Variants in ERCC1 observed in about 807,000 individuals in gnomAD.
The protein encoded by ERCC1 is DNA excision repair protein ERCC-1.
In ERCC1, 36 loss-of-function variants were observed where a neutral mutation model predicts 37.6. That is an observed-to-expected ratio of 0.96 (90% CI 0.73 to 1.26). The LOEUF (loss-of-function observed/expected upper bound fraction) is 1.26. Ranked by LOEUF, ERCC1 falls within the 50% of genes most tolerant of loss-of-function variation. The pLI, the probability that ERCC1 is intolerant of heterozygous loss-of-function variation, is 0.00. For missense variants in ERCC1, 349 were observed against 376.5 expected, an observed-to-expected ratio of 0.93 and a Z score of 0.60; for synonymous variants, 156 against 162.1, an observed-to-expected ratio of 0.96 and a Z score of 0.28.
chr19:45,422,764 T>A (rs190241267), intron 2 of ERCC1, among the ~76,000 whole-genome samples: 3,523 of 151,546 alleles, frequency 0.023, 58 homozygotes, highest in Middle Eastern at 0.089. Flanking sequence ...CTCAAAAAAA[T>A]AAATAAATAA....
At chr19:45,432,802 C>T (rs978706481) in intron 1 of ERCC1, among the ~76,000 whole-genome samples, 7 of 152,208 alleles carry the variant, frequency 4.6e-5, no homozygotes, top group African/African-American at 1.7e-4. Flanking sequence ...TGGAGTGGCT[C>T]ACGCCTGTAT....
chr19:45,428,502 C>T (rs1312433675), upstream of ERCC1, among the ~76,000 whole-genome samples: 3 of 152,248 alleles, frequency 2.0e-5, no homozygotes, highest in African/African-American at 7.2e-5. Flanking sequence ...CCGATTCCGC[C>T]TCTTTCTTCC....
chr19:45,422,264 A>T (rs552861718), intron 2 of ERCC1, among the ~76,000 whole-genome samples: 1 of 151,928 alleles, frequency 6.6e-6, no homozygotes, highest in Non-Finnish European at 1.5e-5. Flanking sequence ...TGCCTCAGAA[A>T]CTACACCTTC....
intron 1 of ERCC1, among the ~76,000 whole-genome samples, chr19:45,440,531 G>A (rs573100426): frequency 6.6e-6 from 1 of 152,226 alleles, no homozygotes; most frequent in East Asian, 1.9e-4. Flanking sequence ...TGGAGCATGG[G>A]ACACTTCAGT....
At chr19:45,428,157 C>T (rs1283696819), upstream of ERCC1, among the ~76,000 whole-genome samples, 1 of 144,868 alleles carries the variant, frequency 6.9e-6, no homozygotes, top group Non-Finnish European at 1.5e-5. Flanking sequence ...GATCACACCT[C>T]ACTGCAGCCT....
Position 45,420,387 on chromosome 19 carries a change from C to A in ERCC1, c.362G>T (p.Trp121Leu). Residue 121 changes from tryptophan to leucine, a missense_variant, in exon 4 of 10, where the codon TGG (tryptophan) becomes TTG (leucine). Transcript: ENST00000300853. This position sits in a 1 kb window ranked among gnomAD's most constrained non-coding sequence, Gnocchi z 4.8. ...GTCGGGAATTACGTCGCCAAATTCCCAGGGCACATTGCGCACGAACTTCAG... is the reference window on the plus strand; with the variant it reads ...GTCGGGAATTACGTCGCCAAATTCCAAGGGCACATTGCGCACGAACTTCAG... ...PVLKFVRNVP[W>L]EFGDVIPDYV... is the part of the protein sequence containing the mutation. 1.9e-6 allele frequency: 3 copies of A among 1,613,942 alleles called. No individual in the cohort carries two copies. The highest frequency in any genetic ancestry group is 2.5e-6 in the Non-Finnish European group (3 of 1,179,930).
chr19:45,433,561 G>A (rs927385021), intron 1 of ERCC1, among the ~76,000 whole-genome samples: 3 of 151,870 alleles, frequency 2.0e-5, no homozygotes, highest in Non-Finnish European at 2.9e-5. Context: ...GGTGGTGCAC[G>A]GATGTAATCC....
At chr19:45,425,953 A>ATT (rs112812471), upstream of ERCC1, among the ~76,000 whole-genome samples, 315 of 150,180 alleles carry the variant, frequency 2.1e-3, 2 homozygotes, top group African/African-American at 6.3e-3. Context: ...ATTTTACTTA[A>ATT]TTTTTTTTTT....
chr19:45,413,296 T>C lies in ERCC1; in HGVS notation c.843+381A>G, dbSNP rs558038991. On this transcript the variant is annotated intron_variant, in intron 9 of 9. Transcript: ENST00000300853. ...GGATTGCTTCTGCTTTGAGACAGGA[T>C]CGCTCTGTCACCCAGGCTGGAGCGT... 3.3e-4 allele frequency: 162 copies of C among 487,440 alleles called. 1 individual carries two copies. The highest frequency in any genetic ancestry group is 2.8e-3 in the African/African-American group (143 of 51,986). The allele number at this position is 487,440 out of a possible 1,614,324, so 30.2% of individuals were successfully genotyped here.
chr19:45,435,514 G>T (rs766484306), intron 1 of ERCC1, among the ~76,000 whole-genome samples: 1 of 152,178 alleles, frequency 6.6e-6, no homozygotes, highest in Non-Finnish European at 1.5e-5. Context: ...GCAGGTTGGA[G>T]TGCAGTGTGG....
At chr19:45,431,957 C>T (rs1974843775) in intron 1 of ERCC1, among the ~76,000 whole-genome samples, 1 of 151,972 alleles carries the variant, frequency 6.6e-6, no homozygotes, top group Admixed American at 6.6e-5. Context: ...CTTACATTAA[C>T]ATTCAATTAA....
intron 1 of ERCC1, chr19:45,450,815 C>CGTT (rs1967092008): frequency 6.9e-6 from 1 of 145,858 alleles, no homozygotes; most frequent in South Asian, 2.3e-4. Flanking sequence ...AGTCGGCCGG[C>CGTT]GTTGCCCGGC....
intron 5 of ERCC1, 97 bp from the exon 6 acceptor site, chr19:45,416,994 A>G: frequency 1.1e-6 from 1 of 872,330 alleles, no homozygotes; most frequent in Non-Finnish European, 1.9e-6. Flanking sequence ...CTACTAGGGA[A>G]GCTGAGGTGG....
chr19:45,430,026 C>T (rs955362195), intron 1 of ERCC1, among the ~76,000 whole-genome samples: 14 of 152,256 alleles, frequency 9.2e-5, no homozygotes, highest in African/African-American at 3.4e-4. Flanking sequence ...TCAGGTGATC[C>T]ACCCGCCTCG....
chr19:45,438,162 C>T (rs933830590), intron 1 of ERCC1, among the ~76,000 whole-genome samples: 5 of 151,504 alleles, frequency 3.3e-5, no homozygotes, highest in South Asian at 2.1e-4. Flanking sequence ...CACCCGCCTC[C>T]GTCTCCCAAA....
intron 1 of ERCC1, among the ~76,000 whole-genome samples, chr19:45,439,697 C>G (rs1281913161): frequency 6.6e-6 from 1 of 152,108 alleles, no homozygotes; most frequent in African/African-American, 2.4e-5. Flanking sequence ...TCCCGACGCC[C>G]CTGGAAGATT....
At position 45,423,785 on chromosome 19, in the gene ERCC1, G is replaced by C. The variant is rs1247253878; in HGVS notation, c.-12C>G. Reference sequence around the variant, plus strand: ...CGCAGTCTCCGCCTCCCGCACCTGTGGTCCGGGCCTCACGGTTTCAGCGCC... The same window carrying C: ...CGCAGTCTCCGCCTCCCGCACCTGTCGTCCGGGCCTCACGGTTTCAGCGCC... On this transcript the variant is annotated 5_prime_UTR_variant, in exon 1 of 10. Transcript: ENST00000300853. The C allele has an allele frequency of 4.4e-6, 5 of 1,132,474 alleles. No homozygotes were observed. The Admixed American group carries it at 2.2e-4, about 50-fold the overall frequency. The allele number at this position is 1,132,474 out of a possible 1,614,324, so 70.2% of individuals were successfully genotyped here.
chr19:45,436,031 G>T (rs1974966569), intron 1 of ERCC1, among the ~76,000 whole-genome samples: 1 of 152,072 alleles, frequency 6.6e-6, no homozygotes, highest in African/African-American at 2.4e-5. Context: ...CTCCCAAAGT[G>T]CTGAGATTAC....
intron 1 of ERCC1, among the ~76,000 whole-genome samples, chr19:45,446,343 C>A (rs1024837265): frequency 6.6e-6 from 1 of 152,152 alleles, no homozygotes. Context: ...GGGATCGATT[C>A]TGGAGGCCTT....
Sources: gnomAD v4.1 joint callset for allele counts (sites outside exome capture counted in the v4.1 genomes callset) on GRCh38, gnomAD v4.1.1 for gene constraint, Gnocchi (gnomAD v3.1) non-coding constraint, MANE v1.5 for transcripts, NCBI Gene and HGNC (gene_info 2026-07-23, HGNC 2026-07-21) for gene names.